RARS2: variants seen among roughly 807,000 people sequenced by gnomAD.
The protein encoded by RARS2 is arginyl-tRNA synthetase 2, mitochondrial.
A neutral mutation model predicts 88.5 loss-of-function variants in RARS2; 67 were observed. That is an observed-to-expected ratio of 0.76 (90% CI 0.62 to 0.93). The LOEUF (loss-of-function observed/expected upper bound fraction) is 0.93. Ranked by LOEUF, RARS2 falls within the 40% of genes least tolerant of loss-of-function variation. The probability of loss-of-function intolerance (pLI) is 0.00; values close to 1 mark genes in which losing one functional copy is unlikely to be tolerated. For synonymous variants in RARS2, 239 were observed against 230.3 expected, an observed-to-expected ratio of 1.04 and a Z score of -0.34; for missense variants, 664 against 684.2, an observed-to-expected ratio of 0.97 and a Z score of 0.33.
At position 87,571,311 on chromosome 6, in the gene RARS2, C is replaced by T. The variant is rs140125573; in HGVS notation, c.37-1721G>A. 5.9e-3 allele frequency among the ~76,000 whole-genome samples: 897 copies of T among 152,236 alleles called. 6 individuals carry two copies. The highest frequency in any genetic ancestry group is 0.019 in the African/African-American group (769 of 41,538). ...AATGTGTCTGCTTCCCCTTCTGCAA[C>T]GATTGTAAGTTTCCTGAGGCCTCCC... On this transcript the variant is annotated intron_variant, in intron 1 of 19. Transcript: ENST00000369536.
At chr6:87,525,607 G>A (rs998171482) in intron 10 of RARS2, among the ~76,000 whole-genome samples, 2 of 149,724 alleles carry the variant, frequency 1.3e-5, no homozygotes, top group African/African-American at 4.9e-5. Context: ...GTGGTGCAGT[G>A]GCACGATCTC....
chr6:87,556,492 C>G (rs1785934232), intron 4 of RARS2, among the ~76,000 whole-genome samples: 1 of 151,814 alleles, frequency 6.6e-6, no homozygotes. Flanking sequence ...CTAATTAAAA[C>G]AAAATTTTTT....
chr6:87,532,274 A>C (rs536074066), intron 8 of RARS2, among the ~76,000 whole-genome samples: 1 of 152,324 alleles, frequency 6.6e-6, no homozygotes, highest in South Asian at 2.1e-4. Context: ...TATTTAAAAC[A>C]TCCTGCTTGC....
intron 1 of RARS2, among the ~76,000 whole-genome samples, chr6:87,578,118 C>CG (rs1554220539): frequency 0.028 from 4,134 of 149,676 alleles, 229 homozygotes; most frequent in African/African-American, 0.097. Flanking sequence ...CCCCCCCCCC[C>CG]GCCATCTCTA....
chr6:87,520,712 C>T (rs1773548560), intron 12 of RARS2, among the ~76,000 whole-genome samples: 1 of 152,150 alleles, frequency 6.6e-6, no homozygotes. Flanking sequence ...GGATAGTTCT[C>T]CAGGGCATTC....
At chr6:87,584,428 T>TAAAGC (rs1774514065) in intron 1 of RARS2, among the ~76,000 whole-genome samples, 1 of 152,142 alleles carries the variant, frequency 6.6e-6, no homozygotes. Flanking sequence ...AATAGCCCTA[T>TAAAGC]AAAGCAAAGC....
At position 87,519,148 on chromosome 6, in the gene RARS2, ATATAT is replaced by A. The variant is rs146230457; in HGVS notation, c.1238-262_1238-258del. The A allele has an allele frequency of 0.11, 44,336 of 403,244 alleles. 2,731 individuals are homozygous for A. Among genetic ancestry groups the A allele is most frequent in the East Asian group, 0.17 (3,044 of 17,730 alleles). The allele number at this position is 403,244 out of a possible 1,614,324, so 25.0% of individuals were successfully genotyped here. A position where few individuals can be genotyped will look rare whatever the true frequency, so the allele number is the denominator to read the frequency against. On this transcript the variant is annotated intron_variant, in intron 14 of 19. Transcript: ENST00000369536. ...TAAATTTGGATTTCTGATTTTATAT[ATATAT>A]ATGTATGTGTGTATATATATATAAA...
At chr6:87,524,354 T>C (rs563840207) in intron 11 of RARS2, among the ~76,000 whole-genome samples, 1 of 152,332 alleles carries the variant, frequency 6.6e-6, no homozygotes, top group Non-Finnish European at 1.5e-5. Flanking sequence ...CCTGAGCTAA[T>C]ATGGTCATCT....
At chr6:87,559,170 A>C (rs1270311528) in intron 4 of RARS2, among the ~76,000 whole-genome samples, 1 of 152,146 alleles carries the variant, frequency 6.6e-6, no homozygotes, top group African/African-American at 2.4e-5. Context: ...AAACAGCTGA[A>C]AAGTTAAACA....
intron 4 of RARS2, among the ~76,000 whole-genome samples, chr6:87,561,732 A>G (rs1787908964): frequency 6.6e-6 from 1 of 152,236 alleles, no homozygotes; most frequent in Non-Finnish European, 1.5e-5. Context: ...AACTGTAAGC[A>G]GTCCGCTTGC....
chr6:87,551,815 G>C (rs1021139588), intron 5 of RARS2, among the ~76,000 whole-genome samples: 1 of 151,984 alleles, frequency 6.6e-6, no homozygotes, highest in Non-Finnish European at 1.5e-5. Context: ...TCACACTTGG[G>C]AACAGCAGGA....
In RARS2 at chr6:87,569,567, T is replaced by A. The variant is rs757779943; in HGVS notation, c.60A>T (p.Pro20=). The change falls in exon 2 of 20, where the codon CCA becomes CCT. Residue 20 remains proline (P), a synonymous_variant. Coordinates refer to ENST00000369536, the MANE Select transcript of RARS2 (RefSeq NM_020320.5). The part of the protein sequence containing the change: ...ACQLSRVLNL[P]PENLITSISA... The stretch of plus-strand genomic sequence containing the variant: ...ATATTGATGTGATCAAGTTTTCTGG[T>A]GGAAGATTCAACACTCTGGAAAGCT... The A allele has an allele frequency of 6.2e-7, 1 of 1,607,758 alleles. No homozygotes were observed. The highest frequency in any genetic ancestry group is 1.1e-5 in the South Asian group (1 of 90,926).
intron 5 of RARS2, among the ~76,000 whole-genome samples, chr6:87,549,919 T>C (rs1353827821): frequency 6.6e-6 from 1 of 152,226 alleles, no homozygotes; most frequent in Admixed American, 6.5e-5. Context: ...TTTGTGCATG[T>C]TTGAAAATCT....
chr6:87,529,971 T>G (rs1266368734), intron 9 of RARS2, among the ~76,000 whole-genome samples: 1 of 152,086 alleles, frequency 6.6e-6, no homozygotes, highest in African/African-American at 2.4e-5. Context: ...GTCCTCACAA[T>G]GGTACTGTGC....
intron 4 of RARS2, among the ~76,000 whole-genome samples, chr6:87,559,409 G>A (rs959366888): frequency 6.8e-6 from 1 of 147,858 alleles, no homozygotes. Context: ...GGAGGTGGGA[G>A]CTGAGGCTGT....
intron 6 of RARS2, among the ~76,000 whole-genome samples, chr6:87,547,578 A>T (rs1379166043): frequency 1.3e-5 from 2 of 152,146 alleles, no homozygotes; most frequent in African/African-American, 2.4e-5. Context: ...TAAGTATATT[A>T]TACACTGAAG....
chr6:87,552,362 C>T (rs1172075490), intron 5 of RARS2, among the ~76,000 whole-genome samples: 3 of 152,170 alleles, frequency 2.0e-5, no homozygotes, highest in African/African-American at 7.2e-5. Context: ...ACAGCAAGAA[C>T]TATAGCACCT....
intron 11 of RARS2, among the ~76,000 whole-genome samples, chr6:87,523,639 C>T (rs1010564544): frequency 1.1e-4 from 16 of 152,078 alleles, no homozygotes; most frequent in South Asian, 1.0e-3. Context: ...CCTTTTCTGA[C>T]GGGATGTTTC....
chr6:87,569,690 C>T (rs1769025080), intron 1 of RARS2, 100 bp from the exon 2 acceptor site: 5 of 892,408 alleles, frequency 5.6e-6, no homozygotes, highest in South Asian at 1.4e-5. Context: ...ACACTTAACA[C>T]GAATGAGCTC....
Sources: allele counts gnomAD v4.1 joint callset (sites outside exome capture counted in the v4.1 genomes callset), GRCh38; gene constraint gnomAD v4.1.1; transcripts MANE v1.5; gene names NCBI Gene and HGNC (gene_info 2026-07-23, HGNC 2026-07-21).